The following KCNIP1 variants were observed in gnomAD, a reference collection of about 807,000 sequenced individuals.
KCNIP1 encodes the protein potassium voltage-gated channel interacting protein 1.
In KCNIP1, 18 loss-of-function variants were observed where a neutral mutation model predicts 33.0. That is an observed-to-expected ratio of 0.55 (90% CI 0.38 to 0.81). The LOEUF (loss-of-function observed/expected upper bound fraction) is 0.81. Ranked by LOEUF, KCNIP1 falls within the 30% of genes least tolerant of loss-of-function variation. The pLI is 0.00. For synonymous variants in KCNIP1, 93 were observed against 98.3 expected, an observed-to-expected ratio of 0.95 and a Z score of 0.32; for missense variants, 238 against 271.6, an observed-to-expected ratio of 0.88 and a Z score of 0.87.
intron 1 of KCNIP1, among the ~76,000 whole-genome samples, chr5:170,390,494 C>T (rs1405005557): frequency 2.5e-5 from 2 of 79,462 alleles, no homozygotes; most frequent in African/African-American, 5.9e-5. Flanking sequence ...CAGAGCGAGA[C>T]CCCGTCTCAA....
intron 1 of KCNIP1, among the ~76,000 whole-genome samples, chr5:170,547,489 T>G (rs776948898): frequency 1.3e-5 from 2 of 152,184 alleles, no homozygotes; most frequent in African/African-American, 2.4e-5. Flanking sequence ...CATATTAAGC[T>G]TAGTATCCAT....
intron 6 of KCNIP1, among the ~76,000 whole-genome samples, chr5:170,733,264 A>T (rs1764268592): frequency 6.6e-6 from 1 of 152,230 alleles, no homozygotes; most frequent in Non-Finnish European, 1.5e-5. Context: ...ATAGGGCCAG[A>T]TTATGAGACC....
intron 1 of KCNIP1, chr5:170,483,236 C>A: frequency 3.2e-6 from 1 of 308,802 alleles, no homozygotes; most frequent in Non-Finnish European, 6.3e-6. Flanking sequence ...GTGGGAACAC[C>A]CTAGGGTGAT....
chr5:170,621,433 G>A, intron 1 of KCNIP1, among the ~76,000 whole-genome samples: 1 of 152,118 alleles, frequency 6.6e-6, no homozygotes, highest in South Asian at 2.1e-4. Context: ...GTGTGGTGTG[G>A]GGGAGATCTG....
At chr5:170,595,836 A>G (rs1259812297) in intron 1 of KCNIP1, among the ~76,000 whole-genome samples, 1 of 152,192 alleles carries the variant, frequency 6.6e-6, no homozygotes, top group Non-Finnish European at 1.5e-5. Flanking sequence ...TCAGTCCATC[A>G]TCTCTTTACA....
At chr5:170,360,523 T>C (rs924166955) in intron 1 of KCNIP1, among the ~76,000 whole-genome samples, 1 of 152,200 alleles carries the variant, frequency 6.6e-6, no homozygotes, top group Non-Finnish European at 1.5e-5. Flanking sequence ...CCACCCTTCT[T>C]TTCTATGATA....
chr5:170,429,198 T>C (rs1755685132), intron 1 of KCNIP1, among the ~76,000 whole-genome samples: 1 of 152,098 alleles, frequency 6.6e-6, no homozygotes, highest in African/African-American at 2.4e-5. Context: ...AGCAACCCTG[T>C]TCTCCACATC....
At chr5:170,355,003 A>G (rs1387807471) in intron 1 of KCNIP1, among the ~76,000 whole-genome samples, 1 of 152,224 alleles carries the variant, frequency 6.6e-6, no homozygotes, top group African/African-American at 2.4e-5. Context: ...AGAGCAGAGA[A>G]AGGCTATATG....
intron 1 of KCNIP1, among the ~76,000 whole-genome samples, chr5:170,540,893 G>A (rs1756179824): frequency 6.6e-6 from 1 of 152,180 alleles, no homozygotes; most frequent in South Asian, 2.1e-4. Flanking sequence ...GTAGGTGGAG[G>A]CTAACAGATC....
chr5:170,503,020 C>A (rs1415711102), upstream of KCNIP1, among the ~76,000 whole-genome samples: 1 of 152,036 alleles, frequency 6.6e-6, no homozygotes, highest in Non-Finnish European at 1.5e-5. Context: ...ACAACCCGTG[C>A]CCAGGAGCTG....
intron 1 of KCNIP1, among the ~76,000 whole-genome samples, chr5:170,395,798 A>G (rs1044621918): frequency 3.3e-5 from 5 of 152,220 alleles, no homozygotes; most frequent in Admixed American, 1.3e-4. Flanking sequence ...AAGAAATGCC[A>G]CTTTGGGACC....
At chr5:170,529,063 C>G (rs2113338133) in intron 1 of KCNIP1, among the ~76,000 whole-genome samples, 1 of 152,260 alleles carries the variant, frequency 6.6e-6, no homozygotes. Flanking sequence ...CCAACTCTTC[C>G]TGTTTAAAGG....
At chr5:170,565,187 A>C (rs921872779) in intron 1 of KCNIP1, among the ~76,000 whole-genome samples, 1 of 152,058 alleles carries the variant, frequency 6.6e-6, no homozygotes, top group Non-Finnish European at 1.5e-5. Context: ...GAGAGAACAC[A>C]GCCTCTGCCT....
At position 170,584,698 on chromosome 5, in the gene KCNIP1, G is replaced by T. The variant is rs116486078; in HGVS notation, c.61+80065G>T. ...GAGGGACAACTCCGGGGACTTAGTG[G>T]CTGGCAGAGGGGACTCTTTTCCCCA... is the stretch of plus-strand genomic sequence containing the variant. On this transcript the variant is annotated intron_variant, in intron 1 of 7. Transcript: ENST00000328939. Among the ~76,000 whole-genome samples the T allele has an allele frequency of 9.1e-3, 1,386 of 152,296 alleles. 21 individuals carry two copies. Among genetic ancestry groups the T allele is most frequent in the African/African-American group, 0.031 (1,271 of 41,544 alleles).
intron 1 of KCNIP1, among the ~76,000 whole-genome samples, chr5:170,575,859 T>A (rs1396521068): frequency 6.6e-6 from 1 of 152,222 alleles, no homozygotes; most frequent in Non-Finnish European, 1.5e-5. Flanking sequence ...AACTGTTAGG[T>A]GGAAAACTTT....
At chr5:170,693,739 CCT>C (rs555754421) in intron 1 of KCNIP1, among the ~76,000 whole-genome samples, 33 of 152,328 alleles carry the variant, frequency 2.2e-4, no homozygotes, top group Admixed American at 1.9e-3. Flanking sequence ...CATAAATTCC[CCT>C]GTCATATCAC....
chr5:170,652,778 G>A (rs1269726947), intron 1 of KCNIP1, among the ~76,000 whole-genome samples: 1 of 152,162 alleles, frequency 6.6e-6, no homozygotes, highest in South Asian at 2.1e-4. Flanking sequence ...ATATACTTGT[G>A]CCTTTATATA....
intron 1 of KCNIP1, among the ~76,000 whole-genome samples, chr5:170,473,990 C>A (rs995295212): frequency 2.0e-5 from 3 of 152,168 alleles, no homozygotes; most frequent in South Asian, 2.1e-4. Flanking sequence ...CACACCACTC[C>A]AAAATATGAC....
chr5:170,599,815 T>C (rs1236038452), intron 1 of KCNIP1, among the ~76,000 whole-genome samples: 1 of 152,202 alleles, frequency 6.6e-6, no homozygotes, highest in Non-Finnish European at 1.5e-5. Context: ...GGTATTTCAG[T>C]GAGGACAAAA....
Sources: allele counts gnomAD v4.1 joint callset (sites outside exome capture counted in the v4.1 genomes callset), GRCh38; gene constraint gnomAD v4.1.1; transcripts MANE v1.5; gene names NCBI Gene and HGNC (gene_info 2026-07-23, HGNC 2026-07-21).